TMEM178B: variants seen among roughly 807,000 people sequenced by gnomAD.
The protein encoded by TMEM178B is transmembrane protein 178B.
Under a neutral mutation model 31.0 loss-of-function variants are expected in TMEM178B, and 5 were observed. The observed-to-expected ratio is 0.16, with a 90% CI of 0.08 to 0.34. TMEM178B has a LOEUF of 0.34. Ranked by LOEUF, TMEM178B falls within the 10% of genes least tolerant of loss-of-function variation. The probability of loss-of-function intolerance (pLI) is 1.00; values close to 1 mark genes in which losing one functional copy is unlikely to be tolerated. For synonymous variants in TMEM178B, 164 were observed against 164.0 expected (o/e 1.00, Z 0.00); for missense variants, 275 against 400.3 (o/e 0.69, Z 2.67).
intron 3 of TMEM178B, among the ~76,000 whole-genome samples, chr7:141,455,381 A>G (rs1801944938): frequency 6.6e-6 from 1 of 152,216 alleles, no homozygotes; most frequent in Non-Finnish European, 1.5e-5. Flanking sequence ...CAATCTCACC[A>G]GCTAGTTGAT....
chr7:141,216,465 G>GTC (rs1442155799), intron 2 of TMEM178B, among the ~76,000 whole-genome samples: 22 of 118,814 alleles, frequency 1.9e-4, no homozygotes, highest in African/African-American at 5.8e-4. Flanking sequence ...GCGCGCGCGT[G>GTC]TGTGTGTGTG....
chr7:141,400,281 C>T (rs112101927), intron 2 of TMEM178B, among the ~76,000 whole-genome samples: 5,428 of 152,220 alleles, frequency 0.036, 157 homozygotes, highest in African/African-American at 0.078. Flanking sequence ...TGACCTAAGA[C>T]GGAGGTTCAA....
At chr7:141,144,157 C>T (rs540065563) in intron 1 of TMEM178B, among the ~76,000 whole-genome samples, 2 of 152,112 alleles carry the variant, frequency 1.3e-5, no homozygotes, top group African/African-American at 4.8e-5. Context: ...AGAATCATAG[C>T]GTCAGTAAAG....
chr7:141,120,136 G>A (rs796579620), intron 1 of TMEM178B, among the ~76,000 whole-genome samples: 5 of 152,304 alleles, frequency 3.3e-5, no homozygotes, highest in East Asian at 1.9e-4. Context: ...TCAACAGTGC[G>A]TGCCATGTGG....
intron 2 of TMEM178B, among the ~76,000 whole-genome samples, chr7:141,229,137 T>C (rs1369902207): frequency 2.5e-5 from 3 of 119,590 alleles, no homozygotes; most frequent in Non-Finnish European, 5.8e-5. Context: ...GTGTGAAACT[T>C]TTTTTTCATG....
At chr7:141,161,005 G>GCC (rs1439573562) in intron 1 of TMEM178B, among the ~76,000 whole-genome samples, 27 of 152,096 alleles carry the variant, frequency 1.8e-4, no homozygotes, top group South Asian at 4.2e-4. Flanking sequence ...TTACAGGCAT[G>GCC]CACCACCATG....
intron 2 of TMEM178B, among the ~76,000 whole-genome samples, chr7:141,409,463 T>C (rs1800942063): frequency 6.6e-6 from 1 of 152,220 alleles, no homozygotes; most frequent in Non-Finnish European, 1.5e-5. Flanking sequence ...CTCATCTGTA[T>C]AATGAGGATG....
intron 3 of TMEM178B, among the ~76,000 whole-genome samples, chr7:141,442,481 C>T (rs1230148809): frequency 6.6e-6 from 1 of 152,198 alleles, no homozygotes; most frequent in Non-Finnish European, 1.5e-5. Context: ...ACTCCTTACA[C>T]CTCTTTAGAA....
At chr7:141,316,965 G>A (rs1799016728) in intron 2 of TMEM178B, among the ~76,000 whole-genome samples, 2 of 152,310 alleles carry the variant, frequency 1.3e-5, no homozygotes, top group South Asian at 4.1e-4. Flanking sequence ...TGATGGTTAG[G>A]CATTTGCCAC....
chr7:141,263,560 G>C (rs995498418), intron 2 of TMEM178B, among the ~76,000 whole-genome samples: 2 of 152,098 alleles, frequency 1.3e-5, no homozygotes, highest in African/African-American at 4.8e-5. Context: ...TTAATTCAGG[G>C]AGTGTTGATC....
intron 1 of TMEM178B, among the ~76,000 whole-genome samples, chr7:141,126,856 A>AGT (rs10600930): frequency 0.092 from 13,410 of 145,552 alleles, 723 homozygotes; most frequent in African/African-American, 0.15. Flanking sequence ...ATCTTCTCAA[A>AGT]GTGTGTGTGT....
chr7:141,316,674 C>T (rs1799011826), intron 2 of TMEM178B, among the ~76,000 whole-genome samples: 1 of 152,206 alleles, frequency 6.6e-6, no homozygotes, highest in Non-Finnish European at 1.5e-5. Context: ...GCTGAGGACA[C>T]AGGCACTATT....
Position 141,280,937 on chromosome 7 carries a change from G to A in TMEM178B, c.496+68233G>A, listed in dbSNP as rs527872844. ...TTCAGGCAGTTAATATTTTGAAAAC[G>A]AATGGTTTAATGTACAAAGTGAACT... On this transcript the variant is annotated intron_variant, in intron 2 of 3. Transcript: ENST00000565468. 8.5e-5 allele frequency among the ~76,000 whole-genome samples: 13 copies of A among 152,290 alleles called. 1 individual carries two copies. The highest frequency in any genetic ancestry group is 6.5e-4 in the Admixed American group (10 of 15,294).
intron 1 of TMEM178B, among the ~76,000 whole-genome samples, chr7:141,089,856 G>A (rs1373458347): frequency 6.6e-6 from 1 of 151,910 alleles, no homozygotes; most frequent in Non-Finnish European, 1.5e-5. Flanking sequence ...ACCAGGGCCT[G>A]TTGTGGGGTT....
Position 141,171,804 on chromosome 7 carries a change from C to T in TMEM178B, c.383-40787C>T, listed in dbSNP as rs532159859. On this transcript the variant is annotated intron_variant, in intron 1 of 3. Coordinates refer to ENST00000565468, the MANE Select transcript of TMEM178B (RefSeq NM_001195278.2). The surrounding 1 kb of genome is among the most constrained non-coding windows in gnomAD (Gnocchi z 4.3). The stretch of plus-strand genomic sequence containing the variant: ...AACACCATGAACCCAGTGCCTAACA[C>T]TGTGCTAGCATTTATCAGGCTCTCA... 1.3e-5 allele frequency among the ~76,000 whole-genome samples: 2 copies of T among 152,032 alleles called. No homozygotes were observed. Among genetic ancestry groups the T allele is most frequent in the Admixed American group, 6.6e-5 (1 of 15,242 alleles).
At position 141,376,892 on chromosome 7, in the gene TMEM178B, A is replaced by G. The variant is rs146473325; in HGVS notation, c.497-60716A>G. Among the ~76,000 whole-genome samples, 283 of 152,298 alleles carry G rather than the reference A, an allele frequency of 1.9e-3. 1 individual carries two copies. Among genetic ancestry groups the G allele is most frequent in the African/African-American group, 6.5e-3 (272 of 41,572 alleles). On this transcript the variant is annotated intron_variant, in intron 2 of 3. Coordinates refer to ENST00000565468, the MANE Select transcript of TMEM178B (RefSeq NM_001195278.2). ...ATTGGAGAGAAATTTGAATATGATA[A>G]AAGTATTAGATGATGTGAAAATGTA... is the stretch of plus-strand genomic sequence containing the variant.
At chr7:141,464,887 G>A (rs4725557) in intron 3 of TMEM178B, among the ~76,000 whole-genome samples, 11 of 152,222 alleles carry the variant, frequency 7.2e-5, no homozygotes, top group African/African-American at 2.2e-4. Context: ...TGTGGAGCAC[G>A]CAGCAGAACC....
intron 1 of TMEM178B, among the ~76,000 whole-genome samples, chr7:141,086,550 C>G (rs898977775): frequency 2.0e-5 from 3 of 151,964 alleles, no homozygotes; most frequent in African/African-American, 7.3e-5. Context: ...TAGATATTCT[C>G]TAAAGAAACA....
intron 2 of TMEM178B, among the ~76,000 whole-genome samples, chr7:141,339,431 G>C (rs1799479619): frequency 6.6e-6 from 1 of 152,192 alleles, no homozygotes; most frequent in African/African-American, 2.4e-5. Flanking sequence ...GAAACCAACT[G>C]TCCCAGCTAC....
Sources: allele counts gnomAD v4.1 joint callset (sites outside exome capture counted in the v4.1 genomes callset), GRCh38; gene constraint gnomAD v4.1.1; non-coding constraint Gnocchi (gnomAD v3.1); transcripts MANE v1.5; gene names NCBI Gene and HGNC (gene_info 2026-07-23, HGNC 2026-07-21).